The following CCNK variants were observed in gnomAD, a reference collection of about 807,000 sequenced individuals.
CCNK encodes the protein cyclin-K.
In CCNK, 9 loss-of-function variants were observed where a neutral mutation model predicts 65.0. The observed-to-expected ratio is 0.14, with a 90% CI of 0.08 to 0.24. CCNK has a LOEUF of 0.24. CCNK is among the 10% of genes least tolerant of loss of function. CCNK has a pLI of 1.00. For missense variants in CCNK, 474 were observed against 720.0 expected (o/e 0.66, Z 3.91); for synonymous variants, 279 against 270.8 (o/e 1.03, Z -0.30).
intron 8 of CCNK, chr14:99,503,394 A>G (rs1346177381): frequency 1.7e-6 from 1 of 603,884 alleles, no homozygotes; most frequent in African/African-American, 1.9e-5. Context: ...AAAGCTAGTC[A>G]TTCTGTCTTA....
In CCNK at chr14:99,481,464, T is replaced by C. The variant is rs1896315003; in HGVS notation, c.-68T>C. ...GCAAGGAGAGACGTCGCTGAGGGGC[T>C]TGCCTGAAGCGAGGGGTGAGTGACC... On this transcript the variant is annotated 5_prime_UTR_variant, in exon 1 of 11. Coordinates refer to ENST00000389879, the MANE Select transcript of CCNK (RefSeq NM_001099402.2). 2.5e-6 allele frequency: 1 copy of C among 398,640 alleles called. No individual in the cohort carries two copies. Among genetic ancestry groups the C allele is most frequent in the South Asian group, 1.3e-4 (1 of 7,858 alleles). The allele number at this position is 398,640 out of a possible 1,614,324, so 24.7% of individuals were successfully genotyped here.
At chr14:99,491,085 C>G (rs1410156075) in intron 1 of CCNK, among the ~76,000 whole-genome samples, 1 of 152,050 alleles carries the variant, frequency 6.6e-6, no homozygotes, top group Non-Finnish European at 1.5e-5. Context: ...GTGGGGTATG[C>G]TATTGTGTGC....
At chr14:99,492,895 A>G in intron 2 of CCNK, 21 bp downstream of exon 2, 11 of 1,558,850 alleles carry the variant, frequency 7.1e-6, no homozygotes, top group Non-Finnish European at 9.5e-6. Context: ...TCTCCTTGGA[A>G]TCTGTTACAG....
intron 1 of CCNK, among the ~76,000 whole-genome samples, chr14:99,484,043 TA>T (rs957766345): frequency 6.6e-6 from 1 of 152,150 alleles, no homozygotes; most frequent in East Asian, 1.9e-4. Context: ...TCAAAAAAAA[TA>T]AAAAATAAAT....
At chr14:99,503,910 T>A (rs1435655004) in intron 9 of CCNK, 1 of 480,978 alleles carries the variant, frequency 2.1e-6, no homozygotes, top group Admixed American at 3.8e-5. Context: ...TAATTATGGC[T>A]GTAGGAGAAC....
intron 3 of CCNK, chr14:99,494,548 C>G (rs1324033635): frequency 6.6e-6 from 1 of 151,866 alleles, no homozygotes; most frequent in Non-Finnish European, 1.5e-5. Context: ...AGTTTTGTAC[C>G]CCCGGCAGAG....
At position 99,510,556 on chromosome 14, in the gene CCNK, AC is replaced by A; in HGVS notation, c.1523del (p.Pro508HisfsTer72). 2 of 261,180 alleles carry A rather than the reference AC, an allele frequency of 7.7e-6. No individual in the cohort carries two copies. Among genetic ancestry groups the A allele is most frequent in the South Asian group, 2.3e-5 (1 of 42,558 alleles). 16.2% of individuals were successfully genotyped at this position (261,180 alleles called of 1,614,324 possible). A position where few individuals can be genotyped will look rare whatever the true frequency, so the allele number is the denominator to read the frequency against. On this transcript the variant is annotated frameshift_variant, in exon 11 of 11. Transcript: ENST00000389879. LOFTEE classifies it high-confidence loss of function. ...GCCATCCCACCCCCTACTCCTGGCT[AC>A]CCCCCACCCCCACCCACCTACAACC... Reference protein sequence around the residue: ...PPAIPPPTPGYPPPPPTYNPN... With the variant: ...PPAIPPPTPGXPPPPPTYNPN...
rs1202204670 is a variant in CCNK, at chr14:99,495,716, C to T, written c.411+87C>T. ...TCCACATGTTGACAGTGCCTGTAGCCCTTGTGTCTGCCAGTCTCTTGAGTT... is the reference window on the plus strand; with the variant it reads ...TCCACATGTTGACAGTGCCTGTAGCTCTTGTGTCTGCCAGTCTCTTGAGTT... On this transcript the variant is annotated intron_variant, in intron 4 of 10. Coordinates refer to ENST00000389879, the MANE Select transcript of CCNK (RefSeq NM_001099402.2). 3 of 1,221,270 alleles carry T rather than the reference C, an allele frequency of 2.5e-6. No homozygotes were observed. In the African/African-American group the frequency reaches 4.7e-5, roughly 19 times the overall value. 75.7% of individuals were successfully genotyped at this position (1,221,270 alleles called of 1,614,324 possible).
intron 5 of CCNK, 189 bp downstream of exon 5, chr14:99,501,060 CTG>C: frequency 1.7e-6 from 1 of 604,860 alleles, no homozygotes; most frequent in Non-Finnish European, 2.9e-6. Flanking sequence ...TAAACAGGCT[CTG>C]TCATCCAGTT....
intron 1 of CCNK, among the ~76,000 whole-genome samples, chr14:99,482,989 G>A (rs373299049): frequency 3.2e-4 from 49 of 152,300 alleles, no homozygotes; most frequent in African/African-American, 1.2e-3. Context: ...ATATTTTTAA[G>A]CTCAGGTAAA....
In CCNK at chr14:99,495,618, G is replaced by C; in HGVS notation, c.400G>C (p.Asp134His). 1 of 1,609,188 alleles carries C rather than the reference G, an allele frequency of 6.2e-7. No homozygotes were observed. The highest frequency in any genetic ancestry group is 8.5e-7 in the Non-Finnish European group (1 of 1,178,266). ...LNDVQFGQFG[D>H]DPKEEVMVLE... ...TGATGTACAATTTGGCCAGTTTGGA[G>C]ATGACCCAAAGGTAAGAATGATAAT... The change falls in exon 4 of 11, where the codon GAT becomes CAT. Residue 134 changes from aspartate (D) to histidine (H), a missense_variant. Coordinates refer to ENST00000389879, the MANE Select transcript of CCNK (RefSeq NM_001099402.2).
At chr14:99,486,047 C>T (rs1410475304) in intron 1 of CCNK, among the ~76,000 whole-genome samples, 4 of 152,134 alleles carry the variant, frequency 2.6e-5, no homozygotes, top group East Asian at 1.9e-4. Flanking sequence ...ACAAATCAGT[C>T]GTTTTTAGTA....
chr14:99,481,971 G>C (rs1205394924), intron 1 of CCNK, among the ~76,000 whole-genome samples: 3 of 152,190 alleles, frequency 2.0e-5, no homozygotes, highest in Non-Finnish European at 4.4e-5. Context: ...TGAGGAAAAG[G>C]CACTTCCGGG....
intron 5 of CCNK, 142 bp from the exon 6 acceptor site, chr14:99,501,205 GACCCACATC>G (rs1216867853): frequency 6.2e-6 from 4 of 644,388 alleles, no homozygotes; most frequent in Non-Finnish European, 1.1e-5. Context: ...GTAGGATGTG[GACCCACATC>G]ATTCATCCTT....
intron 10 of CCNK, chr14:99,508,396 C>T (rs1462547272): frequency 2.0e-5 from 3 of 152,370 alleles, no homozygotes; most frequent in African/African-American, 7.2e-5. Flanking sequence ...GCTGCTACCT[C>T]CAGGGCACTG....
chr14:99,493,553 T>C lies in CCNK; in HGVS notation c.237T>C (p.His79=). The change falls in exon 3 of 11, where the codon CAT becomes CAC. Residue 79 remains histidine, a synonymous_variant. Transcript: ENST00000389879. ...DTLATGIIYF[H]RFYMFHSFKQ... ...TGGCAACTGGAATAATTTATTTTCA[T>C]CGCTTCTATATGTTTCATTCCTTCA... 6.2e-7 allele frequency: 1 copy of C among 1,612,586 alleles called. No homozygotes were observed. The highest frequency in any genetic ancestry group is 1.3e-5 in the African/African-American group (1 of 74,990).
At chr14:99,496,005 C>G (rs1896692785) in intron 4 of CCNK, among the ~76,000 whole-genome samples, 1 of 152,164 alleles carries the variant, frequency 6.6e-6, no homozygotes, top group South Asian at 2.1e-4. Flanking sequence ...TGTACACATA[C>G]ACATGCCTAC....
At chr14:99,502,697 G>A in intron 7 of CCNK, 22 bp from the exon 8 acceptor site, 1 of 1,605,968 alleles carries the variant, frequency 6.2e-7, no homozygotes, top group South Asian at 1.1e-5. Flanking sequence ...TGTGTAAAAT[G>A]TAATTGTTGG....
intron 3 of CCNK, chr14:99,494,543 TG>T (rs1896660031): frequency 6.6e-6 from 1 of 152,222 alleles, no homozygotes; most frequent in Non-Finnish European, 1.5e-5. Flanking sequence ...GAATCAGTTT[TG>T]TACCCCCGGC....
Sources: allele counts gnomAD v4.1 joint callset (sites outside exome capture counted in the v4.1 genomes callset), GRCh38; gene constraint gnomAD v4.1.1; transcripts MANE v1.5; gene names NCBI Gene and HGNC (gene_info 2026-07-23, HGNC 2026-07-21).